The following PRKAR1A variants were observed in gnomAD, a reference collection of about 807,000 sequenced individuals.
PRKAR1A encodes the protein cAMP-dependent protein kinase type I-alpha regulatory subunit.
PRKAR1A carries 3 observed loss-of-function variants against 52.0 expected under a neutral mutation model. That is an observed-to-expected ratio of 0.06 (90% CI 0.03 to 0.15). PRKAR1A has a LOEUF of 0.15. Among genes scored for constraint, PRKAR1A ranks in the 10% least tolerant of loss-of-function variants. The pLI, the probability that PRKAR1A is intolerant of heterozygous loss-of-function variation, is 1.00. For missense variants in PRKAR1A, 240 were observed against 477.4 expected (o/e 0.50, Z 4.63); for synonymous variants, 188 against 168.4 (o/e 1.12, Z -0.90).
At chr17:68,485,827 C>A in the PRKAR1A span, among the ~76,000 whole-genome samples, 1 of 152,092 alleles carries the variant, frequency 6.6e-6, no homozygotes, top group African/African-American at 2.4e-5. Flanking sequence ...CAGCCTCCAC[C>A]CCCTGGGTTA....
At chr17:68,540,557 C>T (rs1198317183) in intron 11 of PRKAR1A, 5 of 526,382 alleles carry the variant, frequency 9.5e-6, no homozygotes, top group African/African-American at 3.8e-5. Flanking sequence ...CTGGTTTCCC[C>T]TCACTTGGTG....
intron 11 of PRKAR1A, among the ~76,000 whole-genome samples, chr17:68,540,141 G>A (rs1055935462): frequency 1.3e-5 from 2 of 152,188 alleles, no homozygotes; most frequent in African/African-American, 4.8e-5. Flanking sequence ...GCCGCAGGAG[G>A]GAGAAGGAAG....
At chr17:68,460,265 A>T in the PRKAR1A span, among the ~76,000 whole-genome samples, 1 of 152,214 alleles carries the variant, frequency 6.6e-6, no homozygotes, top group Non-Finnish European at 1.5e-5. Context: ...TGAGGGACTA[A>T]ATGACAGGCA....
At chr17:68,485,448 T>C in the PRKAR1A span, among the ~76,000 whole-genome samples, 3 of 152,210 alleles carry the variant, frequency 2.0e-5, no homozygotes, top group African/African-American at 7.2e-5. Context: ...AGTTAAGCCT[T>C]CTAAAAATAT....
At chr17:68,423,130 G>A in the PRKAR1A span, among the ~76,000 whole-genome samples, 5 of 152,186 alleles carry the variant, frequency 3.3e-5, no homozygotes, top group African/African-American at 1.2e-4. This position sits in a 1 kb window ranked among gnomAD's most constrained non-coding sequence, Gnocchi z 4.4. Context: ...TAACCAAGCT[G>A]AGACTCCAAG....
the PRKAR1A span, among the ~76,000 whole-genome samples, chr17:68,483,206 C>A: frequency 6.6e-6 from 1 of 151,952 alleles, no homozygotes; most frequent in Non-Finnish European, 1.5e-5. Context: ...CCGGGCCAGG[C>A]GCAGTGGCTC....
the PRKAR1A span, among the ~76,000 whole-genome samples, chr17:68,483,045 C>G: frequency 6.6e-6 from 1 of 151,850 alleles, no homozygotes; most frequent in South Asian, 2.1e-4. Flanking sequence ...AACTTAAAGT[C>G]AGAAAAGAAT....
chr17:68,428,708 C>T, the PRKAR1A span: 1 of 752,438 alleles, frequency 1.3e-6, no homozygotes, highest in Non-Finnish European at 2.2e-6. Context: ...AGGTTTGCCA[C>T]TGAGACTGCC....
chr17:68,493,132 A>AG, the PRKAR1A span, among the ~76,000 whole-genome samples: 1 of 67,504 alleles, frequency 1.5e-5, no homozygotes, highest in African/African-American at 5.8e-5. Context: ...GGCCTGTCAG[A>AG]GGGGTGGGGG....
chr17:68,541,072 C>T, intron 11 of PRKAR1A: 1 of 1,483,020 alleles, frequency 6.7e-7, no homozygotes, highest in Non-Finnish European at 9.1e-7. Flanking sequence ...CTGCCCTGGG[C>T]TGGTGGCAGC....
chr17:68,489,848 G>A, the PRKAR1A span, among the ~76,000 whole-genome samples: 3 of 152,054 alleles, frequency 2.0e-5, no homozygotes, highest in East Asian at 1.9e-4. Context: ...GAGGCACCAC[G>A]CCTGGCTGGA....
intron 5 of PRKAR1A, 154 bp downstream of exon 5, chr17:68,524,231 T>G: frequency 1.4e-6 from 1 of 706,934 alleles, no homozygotes. Flanking sequence ...TCTTTTAAAT[T>G]AAGATTTTCT....
In PRKAR1A at chr17:68,551,230, T is replaced by C. The variant is rs2086820404; in HGVS notation, c.*106T>C. ...GCTCTGTCTAAGGACTCAATACATA[T>C]TATTTCACTCATCTCTATGTTTCAC... On this transcript the variant is annotated 3_prime_UTR_variant, in exon 12 of 12. Coordinates refer to the PRKAR1A transcript ENST00000585981. 3.5e-6 allele frequency: 3 copies of C among 862,568 alleles called. No homozygotes were observed. The South Asian group carries it at 1.8e-4, about 51-fold the overall frequency. The allele number at this position is 862,568 out of a possible 1,614,324, so 53.4% of individuals were successfully genotyped here.
downstream of PRKAR1A, chr17:68,536,971 G>A (rs2086113887): frequency 4.4e-6 from 2 of 454,346 alleles, no homozygotes; most frequent in Admixed American, 2.3e-5. Context: ...AGTAGAAAGT[G>A]TGAGGTCTAA....
At chr17:68,527,690 A>G (rs1263513822) in intron 7 of PRKAR1A, 150 bp from the exon 8 acceptor site, 2 of 629,520 alleles carry the variant, frequency 3.2e-6, no homozygotes, top group Non-Finnish European at 5.5e-6. Context: ...AAAATGAATT[A>G]GTTAAAATTA....
chr17:68,426,240 G>GGT, the PRKAR1A span: 16 of 1,131,354 alleles, frequency 1.4e-5, no homozygotes, highest in Non-Finnish European at 1.9e-5. Context: ...TGACCTGGCG[G>GGT]GTGGGGAGCG....
At chr17:68,494,368 C>T in the PRKAR1A span, among the ~76,000 whole-genome samples, 3 of 152,052 alleles carry the variant, frequency 2.0e-5, no homozygotes, top group African/African-American at 7.2e-5. Context: ...AGAGAAACCT[C>T]ATCTCTACTA....
At position 68,541,176 on chromosome 17, in the gene PRKAR1A, T is replaced by C. The variant is rs932738112; in HGVS notation, c.974-9908T>C. The C allele has an allele frequency of 2.1e-5, 12 of 578,988 alleles. No individual in the cohort carries two copies. In the Admixed American group the frequency reaches 2.8e-4, roughly 14 times the overall value. The allele number at this position is 578,988 out of a possible 1,614,324, so 35.9% of individuals were successfully genotyped here. A position where few individuals can be genotyped will look rare whatever the true frequency, so the allele number is the denominator to read the frequency against. Reference sequence around the variant, plus strand: ...TGGGTCCTTTAAGTCTGGTGGACACTAAACCCATGGTTGGGATACTGTGTG... The same window carrying C: ...TGGGTCCTTTAAGTCTGGTGGACACCAAACCCATGGTTGGGATACTGTGTG... On this transcript the variant is annotated intron_variant, in intron 11 of 11. Coordinates refer to the PRKAR1A transcript ENST00000585981.
the PRKAR1A span, among the ~76,000 whole-genome samples, chr17:68,451,233 C>A: frequency 6.6e-6 from 1 of 152,298 alleles, no homozygotes; most frequent in South Asian, 2.1e-4. Flanking sequence ...GAGTTCAAGA[C>A]CAGCCTGGCC....
Sources: gnomAD v4.1 joint callset for allele counts (sites outside exome capture counted in the v4.1 genomes callset) on GRCh38, gnomAD v4.1.1 for gene constraint, Gnocchi (gnomAD v3.1) non-coding constraint, MANE v1.5 for transcripts, NCBI Gene and HGNC (gene_info 2026-07-23, HGNC 2026-07-21) for gene names.